The following BCAS1 variants were observed in gnomAD, a reference collection of about 807,000 sequenced individuals.
BCAS1 encodes breast carcinoma-amplified sequence 1.
Under a neutral mutation model 65.4 loss-of-function variants are expected in BCAS1, and 46 were observed. The observed-to-expected ratio is 0.70, with a 90% CI of 0.55 to 0.90. The LOEUF (loss-of-function observed/expected upper bound fraction) is 0.90, where lower values mean the gene tolerates loss of function less well. Among genes scored for constraint, BCAS1 ranks in the 40% least tolerant of loss-of-function variants. The probability of loss-of-function intolerance (pLI) is 0.00; values close to 1 mark genes in which losing one functional copy is unlikely to be tolerated. For synonymous variants in BCAS1, 298 were observed against 293.5 expected, an observed-to-expected ratio of 1.02 and a Z score of -0.16; for missense variants, 793 against 771.2, an observed-to-expected ratio of 1.03 and a Z score of -0.33.
At chr20:54,058,443 G>A (rs2075885455) in intron 2 of BCAS1, among the ~76,000 whole-genome samples, 1 of 152,034 alleles carries the variant, frequency 6.6e-6, no homozygotes, top group African/African-American at 2.4e-5. Flanking sequence ...AGGCTCAAAT[G>A]GGCATTTGTC....
At position 54,038,528 on chromosome 20, in the gene BCAS1, G is replaced by T. The variant is rs1423311569; in HGVS notation, c.143-9556C>A. 7.3e-5 allele frequency among the ~76,000 whole-genome samples: 11 copies of T among 151,346 alleles called. No individual in the cohort carries two copies. The East Asian group carries it at 2.1e-3, about 29-fold the overall frequency. On this transcript the variant is annotated intron_variant, in intron 3 of 12. Transcript: ENST00000688948. ...ACAGCCTAGCAAACACTCCACAAAG[G>T]ACCATGATTGTAACTGTAGTAGGGC...
chr20:54,015,221 G>A (rs2091409727), intron 4 of BCAS1, among the ~76,000 whole-genome samples: 1 of 151,878 alleles, frequency 6.6e-6, no homozygotes, highest in South Asian at 2.1e-4. Context: ...CAGTAGAGAT[G>A]GGGTTTCACC....
chr20:53,977,906 T>C (rs2090375629), intron 8 of BCAS1, among the ~76,000 whole-genome samples: 1 of 152,104 alleles, frequency 6.6e-6, no homozygotes, highest in Non-Finnish European at 1.5e-5. Flanking sequence ...ATTATTATTA[T>C]ACTTTAAGTT....
chr20:53,996,274 A>T (rs1191412614), intron 4 of BCAS1, among the ~76,000 whole-genome samples: 1 of 152,118 alleles, frequency 6.6e-6, no homozygotes, highest in Non-Finnish European at 1.5e-5. Flanking sequence ...CATTGTTTGG[A>T]GCCAAAGGGT....
At chr20:54,035,669 T>C (rs2091888704) in intron 3 of BCAS1, among the ~76,000 whole-genome samples, 1 of 151,090 alleles carries the variant, frequency 6.6e-6, no homozygotes, top group East Asian at 1.9e-4. Flanking sequence ...GACCTAAAGA[T>C]AGAAATACCA....
At chr20:53,993,327 C>T (rs1029922604) in intron 6 of BCAS1, among the ~76,000 whole-genome samples, 5 of 149,894 alleles carry the variant, frequency 3.3e-5, no homozygotes, top group African/African-American at 1.2e-4. Flanking sequence ...AGGTAGTGGG[C>T]TGAAAACAAT....
chr20:54,065,114 A>T (rs1281799020), intron 1 of BCAS1, among the ~76,000 whole-genome samples: 1 of 23,420 alleles, frequency 4.3e-5, no homozygotes, highest in Non-Finnish European at 7.9e-5. Context: ...TCTATCTATC[A>T]TCTATCTATC....
At chr20:54,019,047 A>G (rs2091501760) in intron 4 of BCAS1, among the ~76,000 whole-genome samples, 1 of 152,222 alleles carries the variant, frequency 6.6e-6, no homozygotes, top group Non-Finnish European at 1.5e-5. Flanking sequence ...ATTAATTAAA[A>G]TATTATTTAA....
intron 4 of BCAS1, among the ~76,000 whole-genome samples, chr20:54,003,226 C>CAAAAAAAAAAAAAAA (rs36065746): frequency 1.0e-5 from 1 of 98,578 alleles, no homozygotes; most frequent in Admixed American, 1.1e-4. Flanking sequence ...GCCAAACAGA[C>CAAAAAAAAAAAAAAA]AAAAAAAAAA....
In BCAS1 at chr20:53,965,730, C is replaced by A. The variant is rs560488151; in HGVS notation, c.1485+1176G>T. Among the ~76,000 whole-genome samples the A allele has an allele frequency of 3.9e-5, 6 of 151,964 alleles. No homozygotes were observed. In the South Asian group the frequency reaches 1.2e-3, roughly 32 times the overall value. On this transcript the variant is annotated intron_variant, in intron 10 of 12. Coordinates refer to ENST00000688948, the MANE Select transcript of BCAS1 (RefSeq NM_001366298.2). ...CTCACGTCACCTTCAGAATTTTTGC[C>A]ATATCTTTATATAACTTGGACTATT...
intron 4 of BCAS1, among the ~76,000 whole-genome samples, chr20:54,017,499 G>T (rs2091465119): frequency 6.6e-6 from 1 of 151,450 alleles, no homozygotes; most frequent in South Asian, 2.1e-4. Context: ...AGGTTCAAGC[G>T]ATTCTCATGC....
intron 1 of BCAS1, chr20:54,068,449 G>A (rs1315971317): frequency 6.5e-6 from 1 of 154,264 alleles, no homozygotes; most frequent in Non-Finnish European, 1.5e-5. Context: ...GTGCAGAATC[G>A]GCAGCAGAGA....
At chr20:54,045,013 C>T (rs2092074318) in intron 3 of BCAS1, among the ~76,000 whole-genome samples, 1 of 151,996 alleles carries the variant, frequency 6.6e-6, no homozygotes, top group South Asian at 2.1e-4. Flanking sequence ...GAGTTTGAGA[C>T]CAGCCTGGAT....
rs532495352 is a variant in BCAS1, at chr20:54,025,266, T to TTA, written c.723+3125_723+3126insTA. Among the ~76,000 whole-genome samples, 47 of 152,016 alleles carry TTA rather than the reference T, an allele frequency of 3.1e-4. No individual in the cohort carries two copies. In the Middle Eastern group the frequency reaches 0.01, roughly 33 times the overall value. ...AAGGTCAAGTTTGCATTATGTGATT[T>TTA]TGTGTGTGTGTGTGTTGAATCTTTT... On this transcript the variant is annotated intron_variant, in intron 4 of 12. Transcript: ENST00000688948.
In BCAS1 at chr20:53,948,444, G is replaced by A. The variant is rs1234649236; in HGVS notation, c.1816-3448C>T. 2.6e-5 allele frequency among the ~76,000 whole-genome samples: 4 copies of A among 152,148 alleles called. No homozygotes were observed. In the East Asian group the frequency reaches 7.7e-4, roughly 29 times the overall value. Reference sequence around the variant, plus strand: ...TTTGTTATTTTCTCTTGACTAAATGGACAGGTCCTGCCACAATGGGTCTGC... The same window carrying A: ...TTTGTTATTTTCTCTTGACTAAATGAACAGGTCCTGCCACAATGGGTCTGC... On this transcript the variant is annotated intron_variant, in intron 12 of 12. Coordinates refer to ENST00000688948, the MANE Select transcript of BCAS1 (RefSeq NM_001366298.2).
intron 3 of BCAS1, among the ~76,000 whole-genome samples, chr20:54,036,457 A>C (rs1312024885): frequency 6.6e-6 from 1 of 151,396 alleles, no homozygotes; most frequent in Non-Finnish European, 1.5e-5. Flanking sequence ...TATGTGATTA[A>C]AACCTTATTT....
chr20:54,047,184 T>A (rs1600989686), intron 3 of BCAS1, among the ~76,000 whole-genome samples: 1 of 152,210 alleles, frequency 6.6e-6, no homozygotes, highest in African/African-American at 2.4e-5. Context: ...AGCATGGCAA[T>A]CTCAGGGTAG....
At chr20:53,985,022 C>A (rs1220417309) in intron 8 of BCAS1, among the ~76,000 whole-genome samples, 1 of 152,176 alleles carries the variant, frequency 6.6e-6, no homozygotes, top group East Asian at 1.9e-4. Context: ...AACCCTCTGT[C>A]ATGAAATGAA....
chr20:53,944,315 CT>C lies in BCAS1; in HGVS notation c.*606del, dbSNP rs34484335. 0.11 allele frequency: 15,815 copies of C among 148,492 alleles called. 1,780 individuals are homozygous for C. The highest frequency in any genetic ancestry group is 0.28 in the African/African-American group (11,402 of 40,300). 9.2% of individuals were successfully genotyped at this position (148,492 alleles called of 1,614,324 possible). A position where few individuals can be genotyped will look rare whatever the true frequency, so the allele number is the denominator to read the frequency against. ...TCTTCTATAACTTACTTGCCACTGC[CT>C]TTTTTTTTTTTTGATAGAATCTTGC... On this transcript the variant is annotated 3_prime_UTR_variant, in exon 13 of 13. Coordinates refer to ENST00000688948, the MANE Select transcript of BCAS1 (RefSeq NM_001366298.2).
Sources: gnomAD v4.1 joint callset for allele counts (sites outside exome capture counted in the v4.1 genomes callset) on GRCh38, gnomAD v4.1.1 for gene constraint, MANE v1.5 for transcripts, NCBI Gene and HGNC (gene_info 2026-07-23, HGNC 2026-07-21) for gene names.